Variants in RAP1A observed in about 807,000 individuals in gnomAD.
RAP1A encodes ras-related protein Rap-1A.
Under a neutral mutation model 26.4 loss-of-function variants are expected in RAP1A, and 6 were observed. That is an observed-to-expected ratio of 0.23 (90% CI 0.12 to 0.45). RAP1A has a LOEUF of 0.45. RAP1A is among the 20% of genes least tolerant of loss of function. The pLI is 0.99. For missense variants in RAP1A, 121 were observed against 217.2 expected (o/e 0.56, Z 2.78); for synonymous variants, 73 against 79.4 (o/e 0.92, Z 0.43).
intron 1 of RAP1A, among the ~76,000 whole-genome samples, chr1:111,607,598 G>A (rs1261187861): frequency 6.7e-6 from 1 of 150,092 alleles, no homozygotes; most frequent in East Asian, 2.0e-4. Flanking sequence ...GCTGGGCAGA[G>A]GCGCCCCTCA....
intron 1 of RAP1A, among the ~76,000 whole-genome samples, chr1:111,669,369 A>G (rs1329523469): frequency 6.6e-6 from 1 of 152,184 alleles, no homozygotes; most frequent in Non-Finnish European, 1.5e-5. Flanking sequence ...TTGGGGTGCA[A>G]ATTGAAATGT....
At chr1:111,613,147 G>A (rs1230537928) in intron 1 of RAP1A, among the ~76,000 whole-genome samples, 1 of 146,184 alleles carries the variant, frequency 6.8e-6, no homozygotes, top group African/African-American at 2.6e-5. Context: ...TGGTGAAAAC[G>A]TAGGGTTTTT....
At chr1:111,558,167 C>A (rs1224795477) in intron 1 of RAP1A, among the ~76,000 whole-genome samples, 1 of 151,996 alleles carries the variant, frequency 6.6e-6, no homozygotes, top group Non-Finnish European at 1.5e-5. Context: ...TTAAAAAAGT[C>A]AATATGGAAA....
chr1:111,629,393 A>G (rs1436232022), intron 1 of RAP1A, among the ~76,000 whole-genome samples: 3 of 152,122 alleles, frequency 2.0e-5, no homozygotes, highest in Non-Finnish European at 4.4e-5. Flanking sequence ...TTAGCCAGAG[A>G]TTGATATTAA....
intron 1 of RAP1A, among the ~76,000 whole-genome samples, chr1:111,542,994 C>A (rs1052526104): frequency 1.3e-5 from 2 of 152,120 alleles, no homozygotes; most frequent in East Asian, 3.9e-4. Context: ...AGCCATGGCG[C>A]CCGGCCATGT....
chr1:111,619,877 G>A lies in RAP1A; in HGVS notation c.-85G>A. On this transcript the variant is annotated 5_prime_UTR_variant, in exon 1 of 8. Transcript: ENST00000369709. ...AGGAGCCACGGCCGAGAGGAGGGAGGAGGAGGAGGAGGAGGTGGAGGAGGT... is the reference window on the plus strand; with the variant it reads ...AGGAGCCACGGCCGAGAGGAGGGAGAAGGAGGAGGAGGAGGTGGAGGAGGT... 2.5e-6 allele frequency: 1 copy of A among 398,820 alleles called. No homozygotes were observed. Among genetic ancestry groups the A allele is most frequent in the East Asian group, 3.6e-5 (1 of 28,082 alleles). The allele number at this position is 398,820 out of a possible 1,614,324, so 24.7% of individuals were successfully genotyped here. A position where few individuals can be genotyped will look rare whatever the true frequency, so the allele number is the denominator to read the frequency against.
intron 1 of RAP1A, among the ~76,000 whole-genome samples, chr1:111,657,950 CTAATT>C: frequency 6.6e-6 from 1 of 152,178 alleles, no homozygotes; most frequent in African/African-American, 2.4e-5. Context: ...TTACTGGTTT[CTAATT>C]TAATTCTGTA....
At chr1:111,610,960 A>G (rs1336982374) in intron 1 of RAP1A, among the ~76,000 whole-genome samples, 3 of 56,694 alleles carry the variant, frequency 5.3e-5, no homozygotes, top group African/African-American at 2.1e-4. Context: ...AATGGAAGAA[A>G]CATATTTTTT....
chr1:111,570,035 G>A (rs1557854026), intron 1 of RAP1A, among the ~76,000 whole-genome samples: 1 of 152,060 alleles, frequency 6.6e-6, no homozygotes, highest in Non-Finnish European at 1.5e-5. Context: ...ACTGTGTAGA[G>A]AGGGGAACCT....
chr1:111,631,704 A>G (rs894325276), intron 1 of RAP1A, among the ~76,000 whole-genome samples: 5 of 152,320 alleles, frequency 3.3e-5, no homozygotes, highest in Non-Finnish European at 5.9e-5. Flanking sequence ...CTCTGTCCCT[A>G]TACTGTTTTC....
intron 1 of RAP1A, among the ~76,000 whole-genome samples, chr1:111,629,581 A>G (rs1659507040): frequency 6.6e-6 from 1 of 152,262 alleles, no homozygotes; most frequent in African/African-American, 2.4e-5. Flanking sequence ...TGTTTCTTTT[A>G]GTTTCCAAAT....
intron 1 of RAP1A, among the ~76,000 whole-genome samples, chr1:111,607,533 T>C (rs1658811913): frequency 6.6e-6 from 1 of 151,718 alleles, no homozygotes; most frequent in Admixed American, 6.6e-5. Flanking sequence ...TGGGTACACC[T>C]CCCAGACGGG....
intron 1 of RAP1A, chr1:111,627,577 A>G (rs1046409010): frequency 8.5e-5 from 13 of 152,152 alleles, no homozygotes; most frequent in African/African-American, 2.4e-4. Flanking sequence ...AGTTTTTACA[A>G]TCTTTGCCAA....
intron 1 of RAP1A, among the ~76,000 whole-genome samples, chr1:111,605,780 C>T (rs1658760323): frequency 6.6e-6 from 1 of 152,224 alleles, no homozygotes; most frequent in Non-Finnish European, 1.5e-5. Context: ...ACAGCTTTGG[C>T]TTGCTCAGAT....
intron 1 of RAP1A, among the ~76,000 whole-genome samples, chr1:111,653,070 T>A (rs1354941852): frequency 6.6e-6 from 1 of 152,154 alleles, no homozygotes; most frequent in Non-Finnish European, 1.5e-5. Flanking sequence ...TGGAATATGA[T>A]TTAGCCATAA....
intron 1 of RAP1A, among the ~76,000 whole-genome samples, chr1:111,597,680 C>T (rs1280931908): frequency 2.0e-5 from 3 of 152,240 alleles, no homozygotes; most frequent in Middle Eastern, 3.4e-3. Context: ...TAAATGCCTC[C>T]GACAGACCAC....
intron 1 of RAP1A, among the ~76,000 whole-genome samples, chr1:111,594,290 T>G (rs1658521228): frequency 6.6e-6 from 1 of 152,074 alleles, no homozygotes; most frequent in Admixed American, 6.6e-5. Context: ...CTAGGCAACA[T>G]AGTGAGACAG....
At chr1:111,660,016 A>G (rs938652359) in intron 1 of RAP1A, among the ~76,000 whole-genome samples, 12 of 152,222 alleles carry the variant, frequency 7.9e-5, no homozygotes, top group African/African-American at 2.9e-4. Flanking sequence ...GATAAAGGAT[A>G]AGACAAGTAA....
At chr1:111,574,972 T>C (rs879326483) in intron 1 of RAP1A, among the ~76,000 whole-genome samples, 5 of 152,202 alleles carry the variant, frequency 3.3e-5, no homozygotes, top group Admixed American at 6.5e-5. Flanking sequence ...AACATATATG[T>C]TTTATGAGAG....
Sources: allele counts gnomAD v4.1 joint callset (sites outside exome capture counted in the v4.1 genomes callset), GRCh38; gene constraint gnomAD v4.1.1; transcripts MANE v1.5; gene names NCBI Gene and HGNC (gene_info 2026-07-23, HGNC 2026-07-21).